The following CDH12 variants were observed in gnomAD, a reference collection of about 807,000 sequenced individuals.
CDH12 encodes cadherin-12.
CDH12 carries 41 observed loss-of-function variants against 74.1 expected under a neutral mutation model. That is an observed-to-expected ratio of 0.55 (90% CI 0.43 to 0.72). The LOEUF (loss-of-function observed/expected upper bound fraction) is 0.72, where lower values mean the gene tolerates loss of function less well. CDH12 is among the 30% of genes least tolerant of loss of function. The pLI is 0.00. For synonymous variants in CDH12, 399 were observed against 355.0 expected (o/e 1.12, Z -1.39); for missense variants, 945 against 977.2 (o/e 0.97, Z 0.44).
At chr5:22,059,939 T>C (rs1397814969) in intron 5 of CDH12, among the ~76,000 whole-genome samples, 1 of 152,100 alleles carries the variant, frequency 6.6e-6, no homozygotes, top group Non-Finnish European at 1.5e-5. Context: ...TTATCTTCTA[T>C]TATTTAGGTA....
intron 5 of CDH12, among the ~76,000 whole-genome samples, chr5:22,068,273 T>C (rs1741701798): frequency 6.6e-6 from 1 of 151,958 alleles, no homozygotes; most frequent in African/African-American, 2.4e-5. Flanking sequence ...CACACTCTCT[T>C]CTCTTTCCAA....
intron 3 of CDH12, among the ~76,000 whole-genome samples, chr5:22,348,913 C>T (rs2150462349): frequency 6.6e-6 from 1 of 152,194 alleles, no homozygotes; most frequent in Non-Finnish European, 1.5e-5. Flanking sequence ...TCAATAAATG[C>T]CAGTGCTGTG....
At chr5:22,095,551 T>A (rs558478489) in intron 4 of CDH12, among the ~76,000 whole-genome samples, 1 of 151,754 alleles carries the variant, frequency 6.6e-6, no homozygotes, top group East Asian at 1.9e-4. Flanking sequence ...ACACTCCAAC[T>A]CCTTCTCTCC....
rs539262009 is a variant in CDH12 at position 22,143,163 on chromosome 5, A to G, written c.-186-64301T>C. ...TGCTTAACATACTAACCTTACATAC[A>G]CTCTAGACCAAAATAAGGCATCATA... On this transcript the variant is annotated intron_variant, in intron 4 of 14. Coordinates refer to ENST00000382254, the MANE Select transcript of CDH12 (RefSeq NM_004061.5). 358 of 152,346 alleles carry G rather than the reference A, an allele frequency of 2.3e-3. 1 individual carries two copies. The highest frequency in any genetic ancestry group is 8.4e-3 in the African/African-American group (348 of 41,492). The allele number at this position is 152,346 out of a possible 1,614,324, so 9.4% of individuals were successfully genotyped here.
At chr5:21,845,773 T>G (rs774600458) in intron 7 of CDH12, among the ~76,000 whole-genome samples, 1 of 152,134 alleles carries the variant, frequency 6.6e-6, no homozygotes, top group Non-Finnish European at 1.5e-5. Flanking sequence ...CTAGTTAATG[T>G]CTGGCTCAGA....
At chr5:22,586,830 G>A (rs59668720) in intron 1 of CDH12, among the ~76,000 whole-genome samples, 2,592 of 143,822 alleles carry the variant, frequency 0.018, 70 homozygotes, top group African/African-American at 0.064. Context: ...ACAGAGTTTA[G>A]AGGAGGATTT....
intron 5 of CDH12, among the ~76,000 whole-genome samples, chr5:22,042,946 A>T (rs1352295155): frequency 4.6e-5 from 7 of 151,816 alleles, no homozygotes; most frequent in Non-Finnish European, 2.9e-5. Flanking sequence ...AACAAGATTA[A>T]AATAATAATA....
At chr5:22,038,690 C>T (rs1262138797) in intron 5 of CDH12, among the ~76,000 whole-genome samples, 1 of 152,172 alleles carries the variant, frequency 6.6e-6, no homozygotes, top group Non-Finnish European at 1.5e-5. Context: ...GGGCCTTGGC[C>T]ATCCAGAGCA....
At chr5:22,768,286 G>T (rs1049769875) in intron 1 of CDH12, among the ~76,000 whole-genome samples, 2 of 151,942 alleles carry the variant, frequency 1.3e-5, no homozygotes, top group African/African-American at 4.8e-5. Context: ...TCTATCCCAT[G>T]GAAACTAAAT....
At chr5:22,156,978 C>T (rs1420187003) in intron 4 of CDH12, among the ~76,000 whole-genome samples, 5 of 152,068 alleles carry the variant, frequency 3.3e-5, no homozygotes, top group Admixed American at 3.3e-4. Flanking sequence ...TATTTTCCAA[C>T]AAGTCTCTAT....
chr5:22,587,849 T>G (rs985689413), intron 1 of CDH12, among the ~76,000 whole-genome samples: 3 of 147,594 alleles, frequency 2.0e-5, no homozygotes, highest in Admixed American at 6.8e-5. Flanking sequence ...TTGGTGGAGA[T>G]ATATATATAT....
At chr5:21,760,159 G>A (rs1026499966) in intron 13 of CDH12, among the ~76,000 whole-genome samples, 3 of 152,026 alleles carry the variant, frequency 2.0e-5, no homozygotes, top group East Asian at 1.9e-4. Flanking sequence ...TTGTGTGCAC[G>A]TGTCTTTATA....
intron 3 of CDH12, among the ~76,000 whole-genome samples, chr5:22,379,577 G>T (rs1741673333): frequency 6.6e-6 from 1 of 152,158 alleles, no homozygotes; most frequent in Admixed American, 6.6e-5. Flanking sequence ...TGCTTAAGGT[G>T]CTAGGTCTTT....
chr5:22,795,706 G>C (rs1453114685), intron 1 of CDH12, among the ~76,000 whole-genome samples: 1 of 151,562 alleles, frequency 6.6e-6, no homozygotes, highest in Non-Finnish European at 1.5e-5. Context: ...ACACTGTATG[G>C]TAACTAGCAA....
At chr5:22,596,123 AT>A (rs1736593828) in intron 1 of CDH12, among the ~76,000 whole-genome samples, 1 of 148,646 alleles carries the variant, frequency 6.7e-6, no homozygotes, top group African/African-American at 2.5e-5. Context: ...AAATAAAAAA[AT>A]AAAAAATAAA....
intron 8 of CDH12, among the ~76,000 whole-genome samples, chr5:21,833,238 ATATATAT>A (rs1188121615): frequency 8.4e-5 from 4 of 47,716 alleles, no homozygotes; most frequent in Non-Finnish European, 5.9e-5. Flanking sequence ...ATAACATATA[ATATATAT>A]TATATATTAT....
chr5:22,376,239 A>T (rs1160287842), intron 3 of CDH12, among the ~76,000 whole-genome samples: 3 of 152,138 alleles, frequency 2.0e-5, no homozygotes, highest in African/African-American at 7.2e-5. Context: ...CACATGTGGG[A>T]GTCACAAACA....
At chr5:22,309,927 T>C (rs954325016) in intron 3 of CDH12, among the ~76,000 whole-genome samples, 1 of 124,098 alleles carries the variant, frequency 8.1e-6, no homozygotes, top group Non-Finnish European at 1.6e-5. Flanking sequence ...CTGCCGTTAA[T>C]AAATAAACAA....
At chr5:22,007,812 G>T (rs570449051) in intron 5 of CDH12, among the ~76,000 whole-genome samples, 127 of 152,182 alleles carry the variant, frequency 8.3e-4, no homozygotes, top group Middle Eastern at 6.8e-3. Flanking sequence ...ATAATGTTTT[G>T]GCTGATGATT....
Sources: allele counts gnomAD v4.1 joint callset (sites outside exome capture counted in the v4.1 genomes callset), GRCh38; gene constraint gnomAD v4.1.1; transcripts MANE v1.5; gene names NCBI Gene and HGNC (gene_info 2026-07-23, HGNC 2026-07-21).